HSPA4: variants seen among roughly 807,000 people sequenced by gnomAD.
HSPA4 encodes the protein heat shock protein family A (Hsp70) member 4, also known as heat shock 70 kDa protein 4.
A neutral mutation model predicts 106.2 loss-of-function variants in HSPA4; 25 were observed. That is an observed-to-expected ratio of 0.24 (90% CI 0.17 to 0.33). The LOEUF is 0.33. HSPA4 is among the 10% of genes least tolerant of loss of function. The pLI is 1.00. For synonymous variants in HSPA4, 332 were observed against 333.6 expected, an observed-to-expected ratio of 1.00 and a Z score of 0.05; for missense variants, 841 against 996.0, an observed-to-expected ratio of 0.84 and a Z score of 2.10.
chr5:133,069,902 T>C (rs1765359404), intron 3 of HSPA4, among the ~76,000 whole-genome samples: 1 of 152,162 alleles, frequency 6.6e-6, no homozygotes, highest in Non-Finnish European at 1.5e-5. Flanking sequence ...TGGTGGCTCA[T>C]GCCTGTAATC....
chr5:133,106,137 T>G lies in HSPA4; in HGVS notation c.*1701T>G, dbSNP rs1348901552. ...TTTTTTTTTTTTTTTTTTTTTTTTT[T>G]TTTGGTGTGTGTGTGTGTGTGTGTG... On this transcript the variant is annotated 3_prime_UTR_variant, in exon 19 of 19. Coordinates refer to ENST00000304858, the MANE Select transcript of HSPA4 (RefSeq NM_002154.4). 1.6e-3 allele frequency: 109 copies of G among 66,956 alleles called. 3 individuals are homozygous for G. Among genetic ancestry groups the G allele is most frequent in the East Asian group, 8.3e-3 (21 of 2,522 alleles). The allele number at this position is 66,956 out of a possible 1,614,324, so 4.1% of individuals were successfully genotyped here. A position where few individuals can be genotyped will look rare whatever the true frequency, so the allele number is the denominator to read the frequency against.
At chr5:133,089,512 A>C (rs1561584000) in intron 10 of HSPA4, 50 bp from the exon 11 acceptor site, 2 of 1,561,756 alleles carry the variant, frequency 1.3e-6, no homozygotes, top group South Asian at 2.3e-5. Flanking sequence ...CATGGGTAAA[A>C]GTGTTAGGAA....
Position 133,096,175 on chromosome 5 carries a change from T to C in HSPA4, c.1728T>C (p.Thr576=), listed in dbSNP as rs749324957. 1.2e-6 allele frequency: 2 copies of C among 1,614,054 alleles called. No individual in the cohort carries two copies. Among genetic ancestry groups the C allele is most frequent in the Non-Finnish European group, 1.7e-6 (2 of 1,179,932 alleles). ...AGAAGGCAAAAGTGAAGACCAGTAC[T>C]GTGGACCTGCCAATCGAGAATCAGC... ...QAKKAKVKTS[T]VDLPIENQLL... is the part of the protein sequence containing the mutation. The change falls in exon 14 of 19, where the codon ACT becomes ACC. Residue 576 remains threonine (T), a synonymous_variant. Transcript: ENST00000304858.
intron 3 of HSPA4, among the ~76,000 whole-genome samples, chr5:133,068,083 G>A (rs1300399881): frequency 5.3e-5 from 8 of 151,682 alleles, no homozygotes; most frequent in African/African-American, 9.7e-5. Flanking sequence ...TAGTAGAGAC[G>A]GGGTTTCACT....
At chr5:133,077,816 A>T (rs1263865731) in intron 7 of HSPA4, among the ~76,000 whole-genome samples, 6 of 152,056 alleles carry the variant, frequency 3.9e-5, no homozygotes, top group Admixed American at 3.3e-4. Flanking sequence ...GTTGCTTTGT[A>T]TCCAAATTTT....
At chr5:133,073,717 C>T (rs1765413281) in intron 5 of HSPA4, among the ~76,000 whole-genome samples, 2 of 151,992 alleles carry the variant, frequency 1.3e-5, no homozygotes, top group East Asian at 3.8e-4. Context: ...TAGAAAAGAT[C>T]CAGGAAAATA....
intron 13 of HSPA4, among the ~76,000 whole-genome samples, chr5:133,093,550 G>T (rs1295251074): frequency 6.6e-6 from 1 of 151,928 alleles, no homozygotes; most frequent in African/African-American, 2.4e-5. Flanking sequence ...GAGTACAGTG[G>T]CATGATCTCG....
At chr5:133,065,925 G>A (rs1030232902) in intron 2 of HSPA4, among the ~76,000 whole-genome samples, 2 of 152,210 alleles carry the variant, frequency 1.3e-5, no homozygotes, top group Non-Finnish European at 2.9e-5. Context: ...CCTATAGGGT[G>A]AATCTGTTTT....
intron 15 of HSPA4, among the ~76,000 whole-genome samples, chr5:133,097,747 C>T (rs1352945694): frequency 1.3e-5 from 2 of 151,670 alleles, no homozygotes; most frequent in Non-Finnish European, 2.9e-5. Flanking sequence ...TGGGATTTCT[C>T]CATGTTGATC....
chr5:133,098,934 G>T (rs1373931504), intron 15 of HSPA4, among the ~76,000 whole-genome samples: 2 of 152,130 alleles, frequency 1.3e-5, no homozygotes, highest in Non-Finnish European at 2.9e-5. Context: ...CTCCCAAAGT[G>T]CTGGGATTAC....
At chr5:133,073,139 A>C (rs1765405404) in intron 4 of HSPA4, 91 bp from the exon 5 acceptor site, 1 of 718,330 alleles carries the variant, frequency 1.4e-6, no homozygotes, top group African/African-American at 1.8e-5. Context: ...TATACAGAAT[A>C]AATTGCTGTA....
Position 133,090,430 on chromosome 5 carries a change from CAAAAAAAAAAAAAAA to C in HSPA4, c.1378+746_1379-738del, listed in dbSNP as rs56263518. On this transcript the variant is annotated intron_variant, in intron 11 of 18. Transcript: ENST00000304858. ...TAGGCGACAGAGCGAGACTCTGTCT[CAAAAAAAAAAAAAAA>C]AAAAAAAAAAGGATGTATATAGAAA... 1.9e-3 allele frequency among the ~76,000 whole-genome samples: 102 copies of C among 54,892 alleles called. 2 individuals carry two copies. Among genetic ancestry groups the C allele is most frequent in the African/African-American group, 7.6e-3 (99 of 13,012 alleles). The allele number at this position is 54,892 out of a possible 152,430, so 36.0% of individuals were successfully genotyped here. A position where few individuals can be genotyped will look rare whatever the true frequency, so the allele number is the denominator to read the frequency against.
chr5:133,061,856 A>T (rs1327581759), intron 1 of HSPA4, among the ~76,000 whole-genome samples: 2 of 150,354 alleles, frequency 1.3e-5, no homozygotes, highest in Non-Finnish European at 3.0e-5. Context: ...CTGATCTTGA[A>T]CTCCTGACCT....
chr5:133,105,706 T>A lies in HSPA4; in HGVS notation c.*1270T>A, dbSNP rs1475923309. The A allele has an allele frequency of 6.6e-6, 1 of 152,178 alleles. No homozygotes were observed. Among genetic ancestry groups the A allele is most frequent in the South Asian group, 2.1e-4 (1 of 4,826 alleles). 9.4% of individuals were successfully genotyped at this position (152,178 alleles called of 1,614,324 possible). A position where few individuals can be genotyped will look rare whatever the true frequency, so the allele number is the denominator to read the frequency against. ...TTTTGAATCTTTGTAAAAATTGATA[T>A]TCTGTATAACAGAGTGCCTCTCTGT... On this transcript the variant is annotated 3_prime_UTR_variant, in exon 19 of 19. Transcript: ENST00000304858.
chr5:133,064,935 T>G lies in HSPA4; in HGVS notation c.108-45T>G, dbSNP rs768558135. 35 of 1,505,480 alleles carry G rather than the reference T, an allele frequency of 2.3e-5. No individual in the cohort carries two copies. In the Admixed American group the frequency reaches 6.0e-4, roughly 26 times the overall value. 93.3% of individuals were successfully genotyped at this position (1,505,480 alleles called of 1,614,324 possible). On this transcript the variant is annotated intron_variant, in intron 1 of 18. Transcript: ENST00000304858. ...TTGCCTGCTATGCTTTTGGATTTAT[T>G]ATTGTAGTAAGATTTAATTCTTAAG... is the stretch of plus-strand genomic sequence containing the variant.
At chr5:133,094,935 GTA>G (rs964885182) in intron 13 of HSPA4, among the ~76,000 whole-genome samples, 11 of 152,184 alleles carry the variant, frequency 7.2e-5, no homozygotes, top group African/African-American at 2.7e-4. Context: ...GGCTTTCAGA[GTA>G]TGAAAGCAAC....
intron 13 of HSPA4, among the ~76,000 whole-genome samples, chr5:133,094,211 A>G (rs914883178): frequency 6.6e-6 from 1 of 152,204 alleles, no homozygotes; most frequent in Non-Finnish European, 1.5e-5. Flanking sequence ...CTATTCTTTA[A>G]TTTTGAGTTG....
chr5:133,069,582 A>G (rs1765355489), intron 3 of HSPA4, among the ~76,000 whole-genome samples: 1 of 152,156 alleles, frequency 6.6e-6, no homozygotes, highest in South Asian at 2.1e-4. Context: ...ACCAGTATAT[A>G]TTGTGCCAGG....
intron 11 of HSPA4, among the ~76,000 whole-genome samples, chr5:133,090,145 T>C (rs538755122): frequency 6.6e-6 from 1 of 152,124 alleles, no homozygotes; most frequent in African/African-American, 2.4e-5. Flanking sequence ...AAGATGTATA[T>C]AGAAAATAGC....
Sources: gnomAD v4.1 joint callset for allele counts (sites outside exome capture counted in the v4.1 genomes callset) on GRCh38, gnomAD v4.1.1 for gene constraint, MANE v1.5 for transcripts, NCBI Gene and HGNC (gene_info 2026-07-23, HGNC 2026-07-21) for gene names.